ANK3: variants seen among roughly 807,000 people sequenced by gnomAD.
The protein encoded by ANK3 is ankyrin 3.
In ANK3, 57 loss-of-function variants were observed where a neutral mutation model predicts 370.9. The ratio of observed to expected loss-of-function variants is 0.15; its 90% CI spans 0.12 to 0.19. The LOEUF (loss-of-function observed/expected upper bound fraction) is 0.19. ANK3 is among the 10% of genes least tolerant of loss of function. The probability of loss-of-function intolerance (pLI) is 1.00; values close to 1 mark genes in which losing one functional copy is unlikely to be tolerated. For synonymous variants in ANK3, 1,929 were observed against 1,946.3 expected (o/e 0.99, Z 0.23); for missense variants, 4,439 against 5,302.1 (o/e 0.84, Z 5.06).
chr10:60,172,232 T>G (rs1434722206), intron 21 of ANK3, 76 bp downstream of exon 21: 72 of 1,132,228 alleles, frequency 6.4e-5, no homozygotes, highest in Non-Finnish European at 9.0e-5. Context: ...GGAAAAAATA[T>G]TCATCTCAGA....
intron 1 of ANK3, among the ~76,000 whole-genome samples, chr10:60,667,229 G>GT (rs139799991): frequency 0.37 from 49,999 of 136,656 alleles, 8,797 homozygotes; most frequent in African/African-American, 0.44. Flanking sequence ...TAATTATATT[G>GT]AATTGAAGAA....
rs540176706 is a variant in ANK3 at position 60,587,569 on chromosome 10, A to G, written c.96+27617T>C. 2.6e-5 allele frequency among the ~76,000 whole-genome samples: 4 copies of G among 152,326 alleles called. No individual in the cohort carries two copies. In the South Asian group the frequency reaches 6.2e-4, roughly 24 times the overall value. ...GAAGCTGTCAAAATCCACTGCAGTC[A>G]TGGACTCAGTGCCAACTTAAAGAGG... is the stretch of plus-strand genomic sequence containing the variant. On this transcript the variant is annotated intron_variant, in intron 2 of 43. Coordinates refer to the ANK3 transcript ENST00000373827.
intron 28 of ANK3, among the ~76,000 whole-genome samples, chr10:60,091,832 G>T (rs1277382103): frequency 6.6e-6 from 1 of 151,526 alleles, no homozygotes; most frequent in East Asian, 1.9e-4. Flanking sequence ...CCGGGTTCAA[G>T]CACCCCTCCT....
At chr10:60,204,972 A>C (rs973846506) in intron 11 of ANK3, among the ~76,000 whole-genome samples, 10 of 152,152 alleles carry the variant, frequency 6.6e-5, no homozygotes, top group African/African-American at 2.4e-4. Context: ...ATACGGAGGC[A>C]AACAAGAGAG....
Position 60,427,795 on chromosome 10 carries a change from TC to T in ANK3, c.97-148157del, listed in dbSNP as rs1175042700. ...CATGCACAGAGAGTCAAAGCAATTTTCCCAAGGTCACCAGGTTAGTTGGTGG... is the reference window on the plus strand; with the variant it reads ...CATGCACAGAGAGTCAAAGCAATTTTCCAAGGTCACCAGGTTAGTTGGTGG... On this transcript the variant is annotated intron_variant, in intron 2 of 43. Coordinates refer to the ANK3 transcript ENST00000373827. Among the ~76,000 whole-genome samples the T allele has an allele frequency of 3.3e-5, 5 of 152,146 alleles. No homozygotes were observed. In the East Asian group the frequency reaches 9.6e-4, roughly 29 times the overall value.
chr10:60,487,225 G>A (rs553093521), intron 2 of ANK3, among the ~76,000 whole-genome samples: 12 of 152,224 alleles, frequency 7.9e-5, no homozygotes, highest in African/African-American at 2.2e-4. Flanking sequence ...TTAGTGTTTA[G>A]CACAACACCT....
chr10:60,516,061 T>C (rs2076210290), intron 2 of ANK3, among the ~76,000 whole-genome samples: 1 of 151,992 alleles, frequency 6.6e-6, no homozygotes, highest in Non-Finnish European at 1.5e-5. Flanking sequence ...ATGTAATAAA[T>C]AGGGAATTGT....
intron 8 of ANK3, among the ~76,000 whole-genome samples, chr10:60,214,586 C>T (rs1049838062): frequency 6.6e-6 from 1 of 152,070 alleles, no homozygotes; most frequent in African/African-American, 2.4e-5. Context: ...TGTTCATCTC[C>T]CACTTATGAG....
At chr10:60,158,615 A>T (rs1206453433) in intron 23 of ANK3, among the ~76,000 whole-genome samples, 3 of 152,122 alleles carry the variant, frequency 2.0e-5, no homozygotes, top group Non-Finnish European at 4.4e-5. Flanking sequence ...TAAGCACAAA[A>T]ACCTATAATA....
At chr10:60,277,378 A>G (rs1164454364) in intron 4 of ANK3, among the ~76,000 whole-genome samples, 2 of 152,236 alleles carry the variant, frequency 1.3e-5, no homozygotes, top group East Asian at 3.8e-4. Context: ...AATTATAAAA[A>G]TAGGCTTATA....
intron 1 of ANK3, among the ~76,000 whole-genome samples, chr10:60,709,987 T>C (rs2079680485): frequency 6.6e-6 from 1 of 152,236 alleles, no homozygotes; most frequent in African/African-American, 2.4e-5. Context: ...GACCTCAATC[T>C]AAGGTACATA....
intron 7 of ANK3, among the ~76,000 whole-genome samples, chr10:60,235,938 C>T (rs1021102972): frequency 2.0e-5 from 3 of 152,134 alleles, no homozygotes. Flanking sequence ...ATTACAATCC[C>T]CATTTTACAC....
chr10:60,507,190 T>C (rs1408736222), intron 2 of ANK3, among the ~76,000 whole-genome samples: 1 of 152,026 alleles, frequency 6.6e-6, no homozygotes, highest in Admixed American at 6.6e-5. Context: ...AAGAAAGAAA[T>C]GGTTGTTTAA....
chr10:60,690,275 C>A (rs928107670), intron 1 of ANK3, among the ~76,000 whole-genome samples: 1 of 151,994 alleles, frequency 6.6e-6, no homozygotes, highest in Non-Finnish European at 1.5e-5. Context: ...TGAAGCAGGG[C>A]GGGGCATCAC....
chr10:60,563,432 G>T (rs1297557007), intron 2 of ANK3, among the ~76,000 whole-genome samples: 2 of 152,138 alleles, frequency 1.3e-5, no homozygotes, highest in Non-Finnish European at 2.9e-5. Flanking sequence ...CTTGCAGCCA[G>T]CCAAGCTTTG....
At chr10:60,554,206 T>A (rs1026258420) in intron 2 of ANK3, among the ~76,000 whole-genome samples, 1 of 152,206 alleles carries the variant, frequency 6.6e-6, no homozygotes. Context: ...GCTATGCTTT[T>A]TATTTTTTTC....
At chr10:60,483,214 G>A (rs1012902936) in intron 2 of ANK3, among the ~76,000 whole-genome samples, 1 of 152,136 alleles carries the variant, frequency 6.6e-6, no homozygotes, top group Admixed American at 6.5e-5. Context: ...CCAAGGCCCA[G>A]GCATTCAATC....
chr10:60,247,546 A>G (rs2097575445), intron 7 of ANK3, among the ~76,000 whole-genome samples: 1 of 152,126 alleles, frequency 6.6e-6, no homozygotes, highest in Non-Finnish European at 1.5e-5. Context: ...CAGGACAACC[A>G]CCATCCTACT....
At chr10:60,425,141 T>A (rs1255436299) in intron 2 of ANK3, among the ~76,000 whole-genome samples, 1 of 151,968 alleles carries the variant, frequency 6.6e-6, no homozygotes, top group Non-Finnish European at 1.5e-5. Context: ...GAGAGCTGGG[T>A]GGGGCACGTG....
Sources: gnomAD v4.1 joint callset for allele counts (sites outside exome capture counted in the v4.1 genomes callset) on GRCh38, gnomAD v4.1.1 for gene constraint, MANE v1.5 for transcripts, NCBI Gene and HGNC (gene_info 2026-07-23, HGNC 2026-07-21) for gene names.